Variants in SGCZ observed in about 807,000 individuals in gnomAD.
The protein encoded by SGCZ is zeta-sarcoglycan.
SGCZ carries 40 observed loss-of-function variants against 41.3 expected under a neutral mutation model. The observed-to-expected ratio is 0.97, with a 90% confidence interval of 0.75 to 1.26. SGCZ has a LOEUF of 1.26. SGCZ is among the 50% of genes most tolerant of loss of function. SGCZ has a pLI of 0.00. For synonymous variants in SGCZ, 206 were observed against 137.5 expected (o/e 1.50, Z -3.49); for missense variants, 552 against 369.8 (o/e 1.49, Z -4.04).
At chr8:14,639,692 G>C (rs1002243270) in intron 1 of SGCZ, among the ~76,000 whole-genome samples, 1 of 151,554 alleles carries the variant, frequency 6.6e-6, no homozygotes, top group Non-Finnish European at 1.5e-5. Context: ...ATGAATACTA[G>C]TCTTTAAACA....
At chr8:14,766,099 A>G (rs935009414) in intron 1 of SGCZ, among the ~76,000 whole-genome samples, 1 of 151,780 alleles carries the variant, frequency 6.6e-6, no homozygotes, top group Non-Finnish European at 1.5e-5. Context: ...AGCAACAGGG[A>G]TTACAGGTAT....
intron 1 of SGCZ, among the ~76,000 whole-genome samples, chr8:14,781,129 G>C (rs2197108): frequency 0.066 from 10,104 of 152,208 alleles, 728 homozygotes; most frequent in African/African-American, 0.18. Flanking sequence ...GTACTAATTA[G>C]AAACATGGCT....
chr8:14,559,429 G>A (rs182521696), intron 1 of SGCZ, among the ~76,000 whole-genome samples: 25 of 152,106 alleles, frequency 1.6e-4, no homozygotes, highest in Admixed American at 1.4e-3. Flanking sequence ...TAACCAATGA[G>A]GTTAAAGACC....
intron 2 of SGCZ, among the ~76,000 whole-genome samples, chr8:14,550,972 C>T (rs1803788681): frequency 6.6e-6 from 1 of 152,062 alleles, no homozygotes; most frequent in African/African-American, 2.4e-5. Flanking sequence ...AATGATCACG[C>T]AAGACTTCTT....
intron 1 of SGCZ, among the ~76,000 whole-genome samples, chr8:14,943,845 C>T (rs907648630): frequency 1.3e-5 from 2 of 152,106 alleles, no homozygotes; most frequent in African/African-American, 4.8e-5. Context: ...GTTTTCTGTT[C>T]CTGTATTAGT....
intron 1 of SGCZ, among the ~76,000 whole-genome samples, chr8:14,679,990 T>A (rs1227407022): frequency 6.6e-6 from 1 of 152,178 alleles, no homozygotes; most frequent in Non-Finnish European, 1.5e-5. Flanking sequence ...TAACTCAGGC[T>A]ACACCATGCA....
At chr8:14,784,988 TTATA>T (rs560307940) in intron 1 of SGCZ, among the ~76,000 whole-genome samples, 5 of 142,532 alleles carry the variant, frequency 3.5e-5, no homozygotes, top group African/African-American at 1.3e-4. Flanking sequence ...TTTTTATATA[TTATA>T]TATATATAGC....
chr8:15,204,973 T>A (rs939478350), intron 1 of SGCZ, among the ~76,000 whole-genome samples: 1 of 152,172 alleles, frequency 6.6e-6, no homozygotes, highest in African/African-American at 2.4e-5. Context: ...TTTATTCTAA[T>A]TAGGTGATGA....
intron 3 of SGCZ, among the ~76,000 whole-genome samples, chr8:14,275,543 T>C (rs1800199973): frequency 6.6e-6 from 1 of 152,134 alleles, no homozygotes; most frequent in Non-Finnish European, 1.5e-5. Context: ...TTTCCTTCTC[T>C]GCCATGTCAG....
At chr8:14,424,283 T>TC (rs1799716075) in intron 2 of SGCZ, among the ~76,000 whole-genome samples, 1 of 152,194 alleles carries the variant, frequency 6.6e-6, no homozygotes, top group African/African-American at 2.4e-5. Context: ...AGCTAGTTTT[T>TC]CTCATTATAA....
intron 1 of SGCZ, among the ~76,000 whole-genome samples, chr8:15,080,584 G>T (rs1259888069): frequency 6.6e-6 from 1 of 151,836 alleles, no homozygotes; most frequent in Admixed American, 6.6e-5. Context: ...TAATATGCTT[G>T]GTATCTTTAT....
chr8:14,242,560 G>A (rs1295683996), intron 3 of SGCZ, among the ~76,000 whole-genome samples: 1 of 152,144 alleles, frequency 6.6e-6, no homozygotes. Flanking sequence ...AGGATTAAAT[G>A]AGACAACATA....
chr8:15,041,481 C>T (rs1170246788), intron 1 of SGCZ, among the ~76,000 whole-genome samples: 2 of 151,810 alleles, frequency 1.3e-5, no homozygotes, highest in East Asian at 1.9e-4. Flanking sequence ...TTTTATATGG[C>T]TTATTTTCTT....
At chr8:14,591,902 T>A (rs1387480144) in intron 1 of SGCZ, among the ~76,000 whole-genome samples, 3 of 152,114 alleles carry the variant, frequency 2.0e-5, no homozygotes, top group African/African-American at 7.2e-5. Flanking sequence ...ATTAGATTAC[T>A]ACAGGGACTT....
chr8:14,205,787 C>A (rs918453593), intron 4 of SGCZ, among the ~76,000 whole-genome samples: 1 of 151,898 alleles, frequency 6.6e-6, no homozygotes, highest in Non-Finnish European at 1.5e-5. Context: ...ATGTTAGTTT[C>A]TTTTTAAAAA....
intron 1 of SGCZ, among the ~76,000 whole-genome samples, chr8:14,802,101 C>G (rs773508572): frequency 9.9e-5 from 15 of 152,190 alleles, no homozygotes; most frequent in Non-Finnish European, 2.9e-5. Flanking sequence ...GTTGCGTTAA[C>G]TATGATTTAG....
intron 1 of SGCZ, among the ~76,000 whole-genome samples, chr8:14,802,425 A>C (rs1035135409): frequency 1.3e-5 from 2 of 152,318 alleles, no homozygotes; most frequent in East Asian, 3.9e-4. Flanking sequence ...CAACCCTTTA[A>C]AAAGTAATTT....
intron 1 of SGCZ, among the ~76,000 whole-genome samples, chr8:15,118,121 C>T (rs1807339181): frequency 6.6e-6 from 1 of 152,164 alleles, no homozygotes; most frequent in Non-Finnish European, 1.5e-5. Context: ...GTCCTCAAAT[C>T]TTACTACATT....
chr8:14,161,743 A>G (rs1804051554), intron 5 of SGCZ, among the ~76,000 whole-genome samples: 2 of 152,206 alleles, frequency 1.3e-5, no homozygotes, highest in Admixed American at 1.3e-4. Context: ...TGGAAAATAT[A>G]GATCAATCGA....
Sources: allele counts gnomAD v4.1 joint callset (sites outside exome capture counted in the v4.1 genomes callset), GRCh38; gene constraint gnomAD v4.1.1; transcripts MANE v1.5; gene names NCBI Gene and HGNC (gene_info 2026-07-23, HGNC 2026-07-21).